BMPR2: variants seen among roughly 807,000 people sequenced by gnomAD.
BMPR2 encodes the protein bone morphogenetic protein receptor type-2.
Under a neutral mutation model 100.8 loss-of-function variants are expected in BMPR2, and 29 were observed. That is an observed-to-expected ratio of 0.29 (90% CI 0.21 to 0.39). The LOEUF is 0.39. Among genes scored for constraint, BMPR2 ranks in the 10% least tolerant of loss-of-function variants. The probability of loss-of-function intolerance (pLI) is 1.00; values close to 1 mark genes in which losing one functional copy is unlikely to be tolerated. For synonymous variants in BMPR2, 382 were observed against 442.3 expected (o/e 0.86, Z 1.71); for missense variants, 1,011 against 1,274.5 (o/e 0.79, Z 3.15).
At chr2:202,411,632 A>G (rs1691014418) in intron 1 of BMPR2, among the ~76,000 whole-genome samples, 1 of 152,144 alleles carries the variant, frequency 6.6e-6, no homozygotes, top group South Asian at 2.1e-4. Flanking sequence ...GTTGGAGTCT[A>G]GTGTAGAAAC....
chr2:202,538,650 C>G (rs371037986), intron 9 of BMPR2, among the ~76,000 whole-genome samples: 1 of 151,610 alleles, frequency 6.6e-6, no homozygotes, highest in African/African-American at 2.4e-5. Context: ...AAAAATTAGC[C>G]GGGCTTGGTT....
At chr2:202,454,902 G>C (rs915159301) in intron 1 of BMPR2, among the ~76,000 whole-genome samples, 17 of 152,178 alleles carry the variant, frequency 1.1e-4, no homozygotes, top group African/African-American at 3.9e-4. Flanking sequence ...CCAAGATCAA[G>C]GTGCTAGATG....
chr2:202,506,088 C>G (rs896421516), intron 3 of BMPR2, among the ~76,000 whole-genome samples: 1 of 152,176 alleles, frequency 6.6e-6, no homozygotes, highest in South Asian at 2.1e-4. Context: ...TTATGTGTAA[C>G]TCACATGCCA....
chr2:202,520,643 C>A, intron 7 of BMPR2: 1 of 214,130 alleles, frequency 4.7e-6, no homozygotes, highest in Non-Finnish European at 9.4e-6. Context: ...CGGTAGGCTG[C>A]CCCACAAGAC....
intron 10 of BMPR2, among the ~76,000 whole-genome samples, chr2:202,548,720 T>A (rs1688419084): frequency 6.6e-6 from 1 of 152,168 alleles, no homozygotes; most frequent in Non-Finnish European, 1.5e-5. Context: ...CTTTCCTCAT[T>A]AGTGTTAATA....
rs541670035 is a variant in BMPR2 at position 202,476,335 on chromosome 2, C to T, written c.418+8646C>T. Among the ~76,000 whole-genome samples the T allele has an allele frequency of 2.8e-4, 43 of 152,060 alleles. No homozygotes were observed. In the South Asian group the frequency reaches 3.1e-3, roughly 11 times the overall value. On this transcript the variant is annotated intron_variant, in intron 3 of 12. Transcript: ENST00000374580. ...CTCTCTGATTACTGAGCATTTTCTG[C>T]GTATTTTCATATGCAAAAACTAATT...
intron 1 of BMPR2, among the ~76,000 whole-genome samples, chr2:202,445,603 A>G (rs1483055062): frequency 6.7e-6 from 1 of 149,704 alleles, no homozygotes; most frequent in Non-Finnish European, 1.5e-5. Context: ...CCAACAGTGT[A>G]TAAGGGTTCC....
intron 1 of BMPR2, among the ~76,000 whole-genome samples, chr2:202,395,786 A>G (rs1227714748): frequency 6.6e-6 from 1 of 152,002 alleles, no homozygotes; most frequent in Non-Finnish European, 1.5e-5. Context: ...AAATACAAAA[A>G]TTAGCCAGGC....
At position 202,495,352 on chromosome 2, in the gene BMPR2, G is replaced by A. The variant is rs1044641438; in HGVS notation, c.419-18367G>A. Among the ~76,000 whole-genome samples the A allele has an allele frequency of 2.0e-5, 3 of 152,208 alleles. No homozygotes were observed. The highest frequency in any genetic ancestry group is 2.1e-4 in the South Asian group (1 of 4,824). On this transcript the variant is annotated intron_variant, in intron 3 of 12. Transcript: ENST00000374580. The surrounding 1 kb of genome is among the most constrained non-coding windows in gnomAD (Gnocchi z 4.5). ...CGCTTGGTGGCCAGGGCTCTCCTCC[G>A]TCTGCCCCAGCCAAACTCCGCGTCG...
chr2:202,438,671 T>G (rs1440988911), intron 1 of BMPR2, among the ~76,000 whole-genome samples: 1 of 150,700 alleles, frequency 6.6e-6, no homozygotes, highest in Admixed American at 6.6e-5. Flanking sequence ...CTTTATTCTT[T>G]TATACATGGA....
intron 7 of BMPR2, among the ~76,000 whole-genome samples, chr2:202,527,073 AG>A (rs1350240219): frequency 6.6e-6 from 1 of 152,128 alleles, no homozygotes; most frequent in Non-Finnish European, 1.5e-5. Context: ...CATATTGGCC[AG>A]GGTGGTCTCA....
At chr2:202,515,124 C>G (rs1687690017) in intron 5 of BMPR2, 145 bp downstream of exon 5, 1 of 775,762 alleles carries the variant, frequency 1.3e-6, no homozygotes, top group African/African-American at 1.7e-5. Flanking sequence ...CTATTCTAGG[C>G]ACTAGGAACA....
chr2:202,393,227 C>A (rs1334588193), intron 1 of BMPR2, among the ~76,000 whole-genome samples: 1 of 152,118 alleles, frequency 6.6e-6, no homozygotes, highest in African/African-American at 2.4e-5. Flanking sequence ...GGATGTGATA[C>A]ACTTAAGGTT....
intron 1 of BMPR2, among the ~76,000 whole-genome samples, chr2:202,445,268 C>A (rs1392058506): frequency 6.7e-6 from 1 of 150,054 alleles, no homozygotes; most frequent in African/African-American, 2.5e-5. Flanking sequence ...CCCCCATCAC[C>A]CAGGCTGGAG....
In BMPR2 at chr2:202,484,910, A is replaced by G. The variant is rs184001832; in HGVS notation, c.418+17221A>G. ...CATGAACCTGGGAGGTGGAGCTTGC[A>G]GTGAGCCGAAATCGTGCCACTGCAC... On this transcript the variant is annotated intron_variant, in intron 3 of 12. Transcript: ENST00000374580. 2.4e-3 allele frequency among the ~76,000 whole-genome samples: 341 copies of G among 144,026 alleles called. 1 individual carries two copies. Among genetic ancestry groups the G allele is most frequent in the African/African-American group, 8.2e-3 (321 of 39,200 alleles). 94.5% of individuals were successfully genotyped at this position (144,026 alleles called of 152,430 possible).
chr2:202,384,461 C>G (rs1294296564), intron 1 of BMPR2, among the ~76,000 whole-genome samples: 2 of 152,130 alleles, frequency 1.3e-5, no homozygotes, highest in African/African-American at 4.8e-5. Context: ...GTATTTGATC[C>G]ACATCTCTTT....
intron 3 of BMPR2, among the ~76,000 whole-genome samples, chr2:202,480,953 TAAA>T (rs71035011): frequency 4.6e-5 from 2 of 43,354 alleles, no homozygotes; most frequent in Admixed American, 3.4e-4. Flanking sequence ...AGACTCCGTC[TAAA>T]AAAAAAAAAA....
Position 202,503,217 on chromosome 2 carries a change from C to T in BMPR2, c.419-10502C>T, listed in dbSNP as rs537047755. 3.9e-5 allele frequency among the ~76,000 whole-genome samples: 6 copies of T among 152,356 alleles called. No homozygotes were observed. In the East Asian group the frequency reaches 7.7e-4, roughly 20 times the overall value. On this transcript the variant is annotated intron_variant, in intron 3 of 12. Coordinates refer to ENST00000374580, the MANE Select transcript of BMPR2 (RefSeq NM_001204.7). This position sits in a 1 kb window ranked among gnomAD's most constrained non-coding sequence, Gnocchi z 4.0. ...TAGAGGGGGGATTGAGAGGTAACAG[C>T]GTGCTGGCAGTCCTCACAGCCCTCG...
chr2:202,475,074 TCCATTTTAGATCCTG>T (rs1692518351), intron 3 of BMPR2: 1 of 152,202 alleles, frequency 6.6e-6, no homozygotes, highest in Non-Finnish European at 1.5e-5. Context: ...GTAATATACA[TCCATTTTAGATCCTG>T]CCTTTTTGTT....
Sources: allele counts gnomAD v4.1 joint callset (sites outside exome capture counted in the v4.1 genomes callset), GRCh38; gene constraint gnomAD v4.1.1; non-coding constraint Gnocchi (gnomAD v3.1); transcripts MANE v1.5; gene names NCBI Gene and HGNC (gene_info 2026-07-23, HGNC 2026-07-21).